MYO3B: variants seen among roughly 807,000 people sequenced by gnomAD.
MYO3B encodes the protein myosin-IIIb.
MYO3B carries 156 observed loss-of-function variants against 174.6 expected under a neutral mutation model. The ratio of observed to expected loss-of-function variants is 0.89; its 90% confidence interval spans 0.78 to 1.02. MYO3B has a LOEUF of 1.02. Ranked by LOEUF, MYO3B falls within the 50% of genes least tolerant of loss-of-function variation. The pLI, the probability that MYO3B is intolerant of heterozygous loss-of-function variation, is 0.00. For missense variants in MYO3B, 1,632 were observed against 1,639.4 expected, an observed-to-expected ratio of 1.00 and a Z score of 0.08; for synonymous variants, 563 against 569.1, an observed-to-expected ratio of 0.99 and a Z score of 0.15.
intron 22 of MYO3B, among the ~76,000 whole-genome samples, chr2:170,429,337 C>T (rs1190395240): frequency 6.6e-6 from 1 of 152,184 alleles, no homozygotes; most frequent in African/African-American, 2.4e-5. Context: ...CTCCTAGTAG[C>T]TCGTATCCAA....
At chr2:170,393,481 A>T (rs1325666433) in intron 16 of MYO3B, among the ~76,000 whole-genome samples, 2 of 152,086 alleles carry the variant, frequency 1.3e-5, no homozygotes, top group Non-Finnish European at 2.9e-5. Context: ...CTCAAATATT[A>T]CTCTGTGATA....
rs763895132 is a variant in MYO3B at position 170,217,314 on chromosome 2, T to G, written c.527-5T>G. On this transcript the variant is annotated splice_polypyrimidine_tract_variant and splice_region_variant and intron_variant, in intron 5 of 34. Coordinates refer to ENST00000408978, the MANE Select transcript of MYO3B (RefSeq NM_138995.5). ...CTTTTGAATTCTGATACTCTTTCCT[T>G]ATAGGTGTTTCAGCTCAACTCACCA... The G allele has an allele frequency of 1.2e-6, 2 of 1,613,520 alleles. No homozygotes were observed. The highest frequency in any genetic ancestry group is 3.3e-5 in the Admixed American group (2 of 60,022).
intron 32 of MYO3B, among the ~76,000 whole-genome samples, chr2:170,546,121 A>G (rs1690464783): frequency 6.6e-6 from 1 of 152,092 alleles, no homozygotes; most frequent in East Asian, 1.9e-4. Flanking sequence ...CTTCTGCTCC[A>G]CATGTCCTTC....
chr2:170,460,313 C>T (rs1354699675), intron 23 of MYO3B, among the ~76,000 whole-genome samples: 1 of 151,922 alleles, frequency 6.6e-6, no homozygotes, highest in East Asian at 1.9e-4. Context: ...CATGGTGAAA[C>T]CCTGTCTCTA....
In MYO3B at chr2:170,466,552, A is replaced by G. The variant is rs777493500; in HGVS notation, c.2855A>G (p.His952Arg). 6 of 1,614,024 alleles carry G rather than the reference A, an allele frequency of 3.7e-6. No homozygotes were observed. Among genetic ancestry groups the G allele is most frequent in the Non-Finnish European group, 5.1e-6 (6 of 1,180,030 alleles). Reference protein sequence around the residue: ...LLSKMVVGQPHFVRCIKPNDD... With the variant: ...LLSKMVVGQPRFVRCIKPNDD... ...TCCAAAATGGTGGTTGGACAGCCCC[A>G]CTTTGTGCGCTGCATTAAACCCAAT... Residue 952 changes from histidine (H) to arginine (R), a missense_variant, in exon 25 of 35, where the codon CAC becomes CGC. By Grantham distance (29) the His-to-Arg change is conservative (BLOSUM62 0). Coordinates refer to ENST00000408978, the MANE Select transcript of MYO3B (RefSeq NM_138995.5).
At chr2:170,211,662 C>G (rs928181933) in intron 3 of MYO3B, among the ~76,000 whole-genome samples, 3 of 152,172 alleles carry the variant, frequency 2.0e-5, no homozygotes, top group Non-Finnish European at 4.4e-5. Flanking sequence ...CAGATATTAA[C>G]TGGAAAGTAC....
intron 9 of MYO3B, among the ~76,000 whole-genome samples, chr2:170,374,191 A>G (rs1239701078): frequency 6.6e-6 from 1 of 152,208 alleles, no homozygotes; most frequent in Non-Finnish European, 1.5e-5. Flanking sequence ...TCTTCAGGCT[A>G]GAGACTGACT....
chr2:170,288,858 G>A (rs1374203278), intron 7 of MYO3B, among the ~76,000 whole-genome samples: 3 of 152,020 alleles, frequency 2.0e-5, no homozygotes, highest in African/African-American at 4.8e-5. Flanking sequence ...GTCATACATA[G>A]CCTTTATCAT....
chr2:170,299,912 G>T (rs546997727), intron 7 of MYO3B, among the ~76,000 whole-genome samples: 1 of 152,170 alleles, frequency 6.6e-6, no homozygotes, highest in South Asian at 2.1e-4. Flanking sequence ...GTATTAGAAA[G>T]CATTCATGTT....
chr2:170,499,910 C>T lies in MYO3B; in HGVS notation c.3289+102C>T, dbSNP rs1319665627. The stretch of plus-strand genomic sequence containing the variant: ...CTCTTCTAAGTGGTTTCCCTCCCTC[C>T]CTTCCTTCTCCCCTCCCTCCCTCCC... On this transcript the variant is annotated intron_variant, in intron 27 of 34. Transcript: ENST00000408978. The T allele has an allele frequency of 4.6e-6, 4 of 870,130 alleles. No individual in the cohort carries two copies. The South Asian group carries it at 6.1e-5, about 13-fold the overall frequency. 53.9% of individuals were successfully genotyped at this position (870,130 alleles called of 1,614,324 possible).
intron 32 of MYO3B, among the ~76,000 whole-genome samples, chr2:170,650,245 C>T (rs544573058): frequency 4.6e-5 from 7 of 151,720 alleles, no homozygotes; most frequent in Non-Finnish European, 8.8e-5. Context: ...GTTGGCCAGG[C>T]TGGGTTCTGA....
intron 7 of MYO3B, among the ~76,000 whole-genome samples, chr2:170,307,847 A>C (rs541360524): frequency 6.6e-6 from 1 of 152,300 alleles, no homozygotes; most frequent in African/African-American, 2.4e-5. Context: ...AATTTCTAGA[A>C]AAGGGTTGTA....
At chr2:170,356,980 C>T (rs1262360179) in intron 8 of MYO3B, among the ~76,000 whole-genome samples, 5 of 151,900 alleles carry the variant, frequency 3.3e-5, no homozygotes, top group Non-Finnish European at 7.4e-5. Context: ...ACAGGGTCTC[C>T]CTGTGTGGCT....
At chr2:170,435,603 A>G (rs12619684) in intron 22 of MYO3B, among the ~76,000 whole-genome samples, 26,782 of 152,180 alleles carry the variant, frequency 0.18, 2,544 homozygotes, top group South Asian at 0.33. Context: ...CTACTGCGAT[A>G]TAACTTAATC....
intron 8 of MYO3B, chr2:170,351,000 G>A (rs2094062685): frequency 6.6e-6 from 1 of 152,036 alleles, no homozygotes; most frequent in African/African-American, 2.4e-5. Context: ...TATTAAGAAG[G>A]AAGGAAGGGA....
intron 14 of MYO3B, among the ~76,000 whole-genome samples, chr2:170,389,634 G>A (rs961766721): frequency 6.6e-6 from 1 of 152,158 alleles, no homozygotes; most frequent in Non-Finnish European, 1.5e-5. Flanking sequence ...CTAAAGGAAT[G>A]TAAGACTAAG....
At chr2:170,499,929 C>A in intron 27 of MYO3B, 121 bp downstream of exon 27, 3 of 736,916 alleles carry the variant, frequency 4.1e-6, no homozygotes, top group Non-Finnish European at 6.4e-6. Context: ...TCCCCTCCCT[C>A]CCTCCCTTCC....
intron 7 of MYO3B, among the ~76,000 whole-genome samples, chr2:170,269,687 T>G (rs1262963140): frequency 1.3e-5 from 2 of 152,322 alleles, no homozygotes; most frequent in East Asian, 3.9e-4. Flanking sequence ...TAGGAAAAAC[T>G]AACCAAAAGT....
intron 14 of MYO3B, among the ~76,000 whole-genome samples, chr2:170,390,533 G>A (rs2094404810): frequency 6.6e-6 from 1 of 152,222 alleles, no homozygotes; most frequent in Admixed American, 6.5e-5. Context: ...GCTTTGACAG[G>A]ATAAACAACC....
Sources: gnomAD v4.1 joint callset for allele counts (sites outside exome capture counted in the v4.1 genomes callset) on GRCh38, gnomAD v4.1.1 for gene constraint, MANE v1.5 for transcripts, NCBI Gene and HGNC (gene_info 2026-07-23, HGNC 2026-07-21) for gene names.